GPAT3: variants seen among roughly 807,000 people sequenced by gnomAD.
GPAT3 encodes 1-AGP acyltransferase 9.
Under a neutral mutation model 58.8 loss-of-function variants are expected in GPAT3, and 53 were observed. The ratio of observed to expected loss-of-function variants is 0.90; its 90% confidence interval spans 0.72 to 1.13. The LOEUF (loss-of-function observed/expected upper bound fraction) is 1.13. Among genes scored for constraint, GPAT3 ranks in the 50% most tolerant of loss-of-function variants. The pLI, the probability that GPAT3 is intolerant of heterozygous loss-of-function variation, is 0.00. For missense variants in GPAT3, 511 were observed against 527.6 expected (o/e 0.97, Z 0.31); for synonymous variants, 197 against 187.4 (o/e 1.05, Z -0.42).
At chr4:83,563,533 A>T (rs1725263641) in intron 2 of GPAT3, among the ~76,000 whole-genome samples, 1 of 139,208 alleles carries the variant, frequency 7.2e-6, no homozygotes, top group Admixed American at 8.0e-5. Context: ...CCAGGCTGGA[A>T]TGCAATGGTG....
chr4:83,542,304 A>C (rs1367020271), intron 1 of GPAT3, among the ~76,000 whole-genome samples: 1 of 152,266 alleles, frequency 6.6e-6, no homozygotes, highest in African/African-American at 2.4e-5. Context: ...TAAGTAAAAA[A>C]CTATGGAAAC....
At chr4:83,597,285 C>T in intron 8 of GPAT3, 145 bp from the exon 9 acceptor site, 1 of 503,286 alleles carries the variant, frequency 2.0e-6, no homozygotes, top group Non-Finnish European at 3.4e-6. Context: ...ACTACCTTGG[C>T]AGGGGTTCGT....
At chr4:83,581,476 T>C in intron 2 of GPAT3, 86 bp from the exon 3 acceptor site, 3 of 1,413,636 alleles carry the variant, frequency 2.1e-6, no homozygotes, top group Non-Finnish European at 2.9e-6. Flanking sequence ...GTTTGGCATA[T>C]TTAACTTCTA....
intron 1 of GPAT3, 42 bp downstream of exon 1, chr4:83,536,805 G>A (rs371848310): frequency 1.4e-4 from 212 of 1,565,304 alleles, no homozygotes; most frequent in Non-Finnish European, 1.6e-4. Flanking sequence ...CACCGCTGCG[G>A]GCTGAGAACC....
rs1170586060 is a variant in GPAT3, at chr4:83,588,234, G to T, written c.579G>T (p.Leu193=). ...DSSLKNWLSE[L]VHLTCCRICV... is the part of the protein sequence containing the mutation. ...GCCTCAAAAACTGGCTGAGTGAACT[G>T]GTCCATCTGACTTGCTGCCGGATCT... Residue 193 remains leucine (L), a synonymous_variant, in exon 5 of 12, where the codon CTG becomes CTT. Coordinates refer to ENST00000264409, the MANE Select transcript of GPAT3 (RefSeq NM_032717.5). The T allele has an allele frequency of 1.2e-6, 2 of 1,613,970 alleles. No individual in the cohort carries two copies. Among genetic ancestry groups the T allele is most frequent in the South Asian group, 1.1e-5 (1 of 91,072 alleles).
chr4:83,565,118 T>G (rs1467444752), intron 2 of GPAT3, among the ~76,000 whole-genome samples: 1 of 152,046 alleles, frequency 6.6e-6, no homozygotes, highest in Non-Finnish European at 1.5e-5. Context: ...TTTATTTTTT[T>G]GAGATGGAGT....
intron 2 of GPAT3, among the ~76,000 whole-genome samples, chr4:83,547,360 C>G (rs1411105735): frequency 1.4e-5 from 2 of 146,722 alleles, no homozygotes; most frequent in Non-Finnish European, 3.0e-5. Context: ...TCACGCCATT[C>G]TCCTGCCTCA....
chr4:83,560,474 C>T (rs1725091073), intron 2 of GPAT3, among the ~76,000 whole-genome samples: 1 of 151,972 alleles, frequency 6.6e-6, no homozygotes, highest in Admixed American at 6.6e-5. Flanking sequence ...CGTACCTGCT[C>T]ATTTCACCTG....
rs1560620773 is a variant in GPAT3, at chr4:83,578,990, TTCCTTCCTTCC to T, written c.209-2570_209-2560del. Among the ~76,000 whole-genome samples the T allele has an allele frequency of 1.5e-3, 202 of 132,374 alleles. 6 individuals are homozygous for T. The highest frequency in any genetic ancestry group is 4.6e-3 in the African/African-American group (141 of 30,816). The allele number at this position is 132,374 out of a possible 152,430, so 86.8% of individuals were successfully genotyped here. ...TTTCTTTCTTTCTTTCTTTCTTTCC[TTCCTTCCTTCC>T]TTCCTTCCTTCTTTCCCTTTCTTTC... On this transcript the variant is annotated intron_variant, in intron 2 of 11. Coordinates refer to ENST00000264409, the MANE Select transcript of GPAT3 (RefSeq NM_032717.5).
At chr4:83,549,140 C>G (rs187144568) in intron 2 of GPAT3, among the ~76,000 whole-genome samples, 80 of 144,470 alleles carry the variant, frequency 5.5e-4, no homozygotes, top group Non-Finnish European at 1.3e-4. Context: ...TTGAGTGTAG[C>G]CAGGGCAAAA....
At chr4:83,600,339 C>A (rs1021022079) in intron 11 of GPAT3, among the ~76,000 whole-genome samples, 1 of 151,840 alleles carries the variant, frequency 6.6e-6, no homozygotes, top group Non-Finnish European at 1.5e-5. Context: ...CATGAGTGCT[C>A]CACCCTCATG....
At chr4:83,547,743 CTG>C (rs918434872) in intron 2 of GPAT3, among the ~76,000 whole-genome samples, 1 of 152,038 alleles carries the variant, frequency 6.6e-6, no homozygotes, top group Non-Finnish European at 1.5e-5. Context: ...CCATATTCTG[CTG>C]TGTCTTTTAT....
At chr4:83,604,429 G>T (rs1421207735) in intron 11 of GPAT3, among the ~76,000 whole-genome samples, 3 of 152,184 alleles carry the variant, frequency 2.0e-5, no homozygotes, top group African/African-American at 4.8e-5. Context: ...TGGGGATATT[G>T]TTACTTATTT....
In GPAT3 at chr4:83,576,766, A is replaced by T. The variant is rs1178007113; in HGVS notation, c.209-4796A>T. Among the ~76,000 whole-genome samples the T allele has an allele frequency of 2.0e-5, 3 of 152,270 alleles. No individual in the cohort carries two copies. In the East Asian group the frequency reaches 5.8e-4, roughly 29 times the overall value. On this transcript the variant is annotated intron_variant, in intron 2 of 11. Coordinates refer to ENST00000264409, the MANE Select transcript of GPAT3 (RefSeq NM_032717.5). Reference sequence around the variant, plus strand: ...ATGGAGTGAGAAAATATCATTTTAAAAGACACATAGTACTTACTCATTAAG... The same window carrying T: ...ATGGAGTGAGAAAATATCATTTTAATAGACACATAGTACTTACTCATTAAG...
rs200498070 is a variant in GPAT3, at chr4:83,588,199, A to G, written c.555-11A>G. 544 of 1,613,362 alleles carry G rather than the reference A, an allele frequency of 3.4e-4. No individual in the cohort carries two copies. The highest frequency in any genetic ancestry group is 1.6e-4 in the Middle Eastern group (1 of 6,078). On this transcript the variant is annotated splice_polypyrimidine_tract_variant and intron_variant, in intron 4 of 11. Coordinates refer to ENST00000264409, the MANE Select transcript of GPAT3 (RefSeq NM_032717.5). The stretch of plus-strand genomic sequence containing the variant: ...CAGAATGGCACAATAAAATGTTTCT[A>G]TTTCCTTCAGCCTCAAAAACTGGCT...
chr4:83,599,071 A>G (rs1184712890), intron 11 of GPAT3, among the ~76,000 whole-genome samples: 1 of 151,900 alleles, frequency 6.6e-6, no homozygotes, highest in Non-Finnish European at 1.5e-5. Context: ...GTCATGAGCT[A>G]CTGTTCCTGG....
chr4:83,594,986 C>T (rs944579345), intron 7 of GPAT3, 26 bp downstream of exon 7: 1 of 1,594,966 alleles, frequency 6.3e-7, no homozygotes, highest in Non-Finnish European at 8.6e-7. Flanking sequence ...ACTCAGCATT[C>T]ACTGGAGTAG....
rs1490987489 is a variant in GPAT3, at chr4:83,544,882, C to T, written c.208+280C>T. On this transcript the variant is annotated intron_variant, in intron 2 of 11. Coordinates refer to ENST00000264409, the MANE Select transcript of GPAT3 (RefSeq NM_032717.5). ...CTGTCCGTGGTTTTAAAGATGTAGT[C>T]GATGGCCAAAAGAAAAAAAAAAAGA... 2.7e-5 allele frequency among the ~76,000 whole-genome samples: 4 copies of T among 149,830 alleles called. No homozygotes were observed. The East Asian group carries it at 5.8e-4, about 22-fold the overall frequency.
At chr4:83,543,314 T>A (rs1416601086) in intron 1 of GPAT3, among the ~76,000 whole-genome samples, 1 of 152,136 alleles carries the variant, frequency 6.6e-6, no homozygotes, top group Non-Finnish European at 1.5e-5. Flanking sequence ...ATAATAATTA[T>A]TACAGTACTT....
Sources: allele counts gnomAD v4.1 joint callset (sites outside exome capture counted in the v4.1 genomes callset), GRCh38; gene constraint gnomAD v4.1.1; transcripts MANE v1.5; gene names NCBI Gene and HGNC (gene_info 2026-07-23, HGNC 2026-07-21).